Variants in METAP1 observed in about 807,000 individuals in gnomAD.
METAP1 encodes methionine aminopeptidase 1.
In METAP1, 28 loss-of-function variants were observed where a neutral mutation model predicts 53.8. The ratio of observed to expected loss-of-function variants is 0.52; its 90% confidence interval spans 0.39 to 0.71. METAP1 has a LOEUF of 0.71. Among genes scored for constraint, METAP1 ranks in the 30% least tolerant of loss-of-function variants. The pLI is 0.00. For missense variants in METAP1, 389 were observed against 479.8 expected (o/e 0.81, Z 1.77); for synonymous variants, 181 against 165.7 (o/e 1.09, Z -0.71).
intron 1 of METAP1, among the ~76,000 whole-genome samples, chr4:98,997,990 G>C (rs1462987071): frequency 6.6e-6 from 1 of 152,150 alleles, no homozygotes; most frequent in African/African-American, 2.4e-5. Flanking sequence ...AAAACCTTTT[G>C]TACAGAAGTT....
chr4:99,048,903 A>C, intron 9 of METAP1, 27 bp downstream of exon 9: 2 of 1,603,520 alleles, frequency 1.2e-6, no homozygotes, highest in Non-Finnish European at 1.7e-6. Flanking sequence ...GATTTGGTAT[A>C]AGCTCACCAT....
rs755975712 is a variant in METAP1, at chr4:98,995,835, C to G, written c.82C>G (p.Leu28Val). The G allele has an allele frequency of 6.5e-7, 1 of 1,543,314 alleles. No individual in the cohort carries two copies. ...GCTCCAGTGTCCCACTTGCATCAAG[C>G]TGGGCATCCAGGGCTCGTACTTCTG... ...AKLQCPTCIK[L>V]GIQGSYFCSQ... is the part of the protein sequence containing the mutation. The change falls in exon 1 of 11, where the codon CTG (leucine) becomes GTG (valine). Residue 28 changes from leucine to valine, a missense_variant. Coordinates refer to ENST00000296411, the MANE Select transcript of METAP1 (RefSeq NM_015143.3).
At chr4:99,001,271 G>A (rs1722913563) in intron 1 of METAP1, among the ~76,000 whole-genome samples, 1 of 152,056 alleles carries the variant, frequency 6.6e-6, no homozygotes, top group Admixed American at 6.6e-5. Context: ...GCTGAGTTTA[G>A]GTACAAATGC....
intron 9 of METAP1, among the ~76,000 whole-genome samples, chr4:99,050,735 G>C (rs1579327619): frequency 6.6e-6 from 1 of 152,298 alleles, no homozygotes; most frequent in East Asian, 1.9e-4. Flanking sequence ...GAGGGATCTA[G>C]GTTGCGCACT....
At chr4:99,029,262 C>G (rs1359902672) in intron 2 of METAP1, among the ~76,000 whole-genome samples, 2 of 152,080 alleles carry the variant, frequency 1.3e-5, no homozygotes, top group African/African-American at 4.8e-5. Flanking sequence ...AGTGATTTGG[C>G]TTCATTTAAC....
In METAP1 at chr4:99,005,407, A is replaced by G. The variant is rs1230168; in HGVS notation, c.114+9540A>G. Among the ~76,000 whole-genome samples, 495 of 152,354 alleles carry G rather than the reference A, an allele frequency of 3.2e-3. 32 individuals are homozygous for G. In the East Asian group the frequency reaches 0.092, roughly 28 times the overall value. ...GCTCAATGTCACTAATCATCAGGGA[A>G]ATGCAAATTAAAACCACAATGAGAT... On this transcript the variant is annotated intron_variant, in intron 1 of 10. Transcript: ENST00000296411.
intron 1 of METAP1, among the ~76,000 whole-genome samples, chr4:98,999,383 A>T (rs547748352): frequency 1.3e-5 from 2 of 151,926 alleles, no homozygotes; most frequent in South Asian, 4.1e-4. Flanking sequence ...CAGGGTTTTG[A>T]TGAAGACTAA....
intron 1 of METAP1, among the ~76,000 whole-genome samples, chr4:99,019,438 T>C (rs1277015486): frequency 1.3e-5 from 2 of 152,172 alleles, no homozygotes; most frequent in Non-Finnish European, 2.9e-5. Context: ...GGCCTGTTTT[T>C]CCACATTTAT....
chr4:99,029,669 G>A (rs1724850521), intron 2 of METAP1, among the ~76,000 whole-genome samples: 1 of 151,910 alleles, frequency 6.6e-6, no homozygotes, highest in African/African-American at 2.4e-5. Context: ...TATTTACATT[G>A]TTCTTGGTAT....
intron 2 of METAP1, 90 bp downstream of exon 2, chr4:99,029,008 A>T (rs1724793521): frequency 3.5e-6 from 3 of 860,012 alleles, no homozygotes; most frequent in Non-Finnish European, 5.4e-6. Context: ...GAAAGTGTAT[A>T]TTTGAATGTT....
At position 99,061,566 on chromosome 4, in the gene METAP1, T is replaced by C; in HGVS notation, c.*249T>C. 3.0e-6 allele frequency: 1 copy of C among 330,338 alleles called. No individual in the cohort carries two copies. The highest frequency in any genetic ancestry group is 2.1e-5 in the African/African-American group (1 of 47,244). 20.5% of individuals were successfully genotyped at this position (330,338 alleles called of 1,614,324 possible). A position where few individuals can be genotyped will look rare whatever the true frequency, so the allele number is the denominator to read the frequency against. ...CACACCTGTTTTCTCATTTGCCCTT[T>C]GAGCACTTTTACTTAAACTTGCTTG... is the stretch of plus-strand genomic sequence containing the variant. On this transcript the variant is annotated 3_prime_UTR_variant, in exon 11 of 11. Transcript: ENST00000296411.
intron 8 of METAP1, among the ~76,000 whole-genome samples, chr4:99,046,936 C>CAAAAAAAA (rs56702946): frequency 2.4e-3 from 201 of 82,048 alleles, no homozygotes; most frequent in Middle Eastern, 8.3e-3. Context: ...ACTGAAGAAA[C>CAAAAAAAA]AAAAAAAAAA....
At chr4:99,016,194 T>G (rs1347104072) in intron 1 of METAP1, among the ~76,000 whole-genome samples, 2 of 152,208 alleles carry the variant, frequency 1.3e-5, no homozygotes, top group African/African-American at 4.8e-5. Flanking sequence ...ATGTTATTTC[T>G]AAGGAACTGA....
At chr4:99,047,886 A>G (rs1726384861) in intron 8 of METAP1, among the ~76,000 whole-genome samples, 1 of 152,238 alleles carries the variant, frequency 6.6e-6, no homozygotes, top group South Asian at 2.1e-4. Flanking sequence ...AGTGAGAAGT[A>G]TCTTTCCTGT....
At chr4:99,012,026 T>A (rs1396359911) in intron 1 of METAP1, among the ~76,000 whole-genome samples, 1 of 152,230 alleles carries the variant, frequency 6.6e-6, no homozygotes, top group Non-Finnish European at 1.5e-5. Context: ...ATCTCTTTTC[T>A]TCGGTAGTCT....
chr4:99,058,417 C>T (rs1003158515), intron 10 of METAP1, among the ~76,000 whole-genome samples: 1 of 151,994 alleles, frequency 6.6e-6, no homozygotes, highest in Non-Finnish European at 1.5e-5. Context: ...GGAAAGCACA[C>T]CAAGGACACT....
At chr4:98,997,737 T>C (rs1005075790) in intron 1 of METAP1, among the ~76,000 whole-genome samples, 2 of 152,224 alleles carry the variant, frequency 1.3e-5, no homozygotes, top group African/African-American at 4.8e-5. Flanking sequence ...ATTCCGTGTG[T>C]TAGGATTGGA....
intron 4 of METAP1, among the ~76,000 whole-genome samples, chr4:99,038,737 C>G (rs1725619041): frequency 6.6e-6 from 1 of 152,046 alleles, no homozygotes; most frequent in African/African-American, 2.4e-5. Flanking sequence ...ATTTTTAAAA[C>G]TTTTTTGAGT....
chr4:99,016,939 C>A lies in METAP1; in HGVS notation c.115-11928C>A, dbSNP rs562270046. 2.0e-5 allele frequency among the ~76,000 whole-genome samples: 3 copies of A among 152,326 alleles called. No homozygotes were observed. In the East Asian group the frequency reaches 5.8e-4, roughly 29 times the overall value. On this transcript the variant is annotated intron_variant, in intron 1 of 10. Transcript: ENST00000296411. Reference sequence around the variant, plus strand: ...CTCTCTCTGATCTGGGAGAATCCATCTCCCTTCTGTATTTTCTTTAGCCCA... The same window carrying A: ...CTCTCTCTGATCTGGGAGAATCCATATCCCTTCTGTATTTTCTTTAGCCCA...
Sources: gnomAD v4.1 joint callset for allele counts (sites outside exome capture counted in the v4.1 genomes callset) on GRCh38, gnomAD v4.1.1 for gene constraint, MANE v1.5 for transcripts, NCBI Gene and HGNC (gene_info 2026-07-23, HGNC 2026-07-21) for gene names.